The following SCN10A variants were observed in gnomAD, a reference collection of about 807,000 sequenced individuals.
SCN10A encodes sodium channel protein type 10 subunit alpha.
Under a neutral mutation model 170.7 loss-of-function variants are expected in SCN10A, and 162 were observed. The observed-to-expected ratio is 0.95, with a 90% CI of 0.84 to 1.08. SCN10A has a LOEUF of 1.08. Among genes scored for constraint, SCN10A ranks in the 50% least tolerant of loss-of-function variants. SCN10A has a pLI of 0.00. For missense variants in SCN10A, 2,527 were observed against 2,436.9 expected (o/e 1.04, Z -0.78); for synonymous variants, 985 against 904.6 (o/e 1.09, Z -1.59).
intron 13 of SCN10A, among the ~76,000 whole-genome samples, chr3:38,747,872 C>T (rs2063707789): frequency 6.6e-6 from 1 of 152,134 alleles, no homozygotes; most frequent in Non-Finnish European, 1.5e-5. Context: ...TTTCCATCTC[C>T]TTTCCTACTT....
At chr3:38,809,899 A>T (rs1455100444) in intron 1 of SCN10A, among the ~76,000 whole-genome samples, 1 of 152,232 alleles carries the variant, frequency 6.6e-6, no homozygotes, top group Non-Finnish European at 1.5e-5. Flanking sequence ...GTATTAAAGA[A>T]GGGATGGATC....
intron 1 of SCN10A, among the ~76,000 whole-genome samples, chr3:38,796,865 C>T (rs2064344199): frequency 6.6e-6 from 1 of 151,990 alleles, no homozygotes; most frequent in South Asian, 2.1e-4. Context: ...AAATTGTAAG[C>T]TCAGTGAGAG....
chr3:38,728,558 A>T lies in SCN10A; in HGVS notation c.2624T>A (p.Val875Glu). The change falls in exon 16 of 28, where the codon GTG becomes GAG. Residue 875 changes from valine (V) to glutamate (E), a missense_variant. By Grantham distance (121) the Val-to-Glu change is moderately radical. Coordinates refer to ENST00000449082, the MANE Select transcript of SCN10A (RefSeq NM_006514.4). ...ICLILFLTVM[V>E]LGNLVVLNLF... Reference sequence around the variant, plus strand: ...ACCACTCACCACCAGGTTCCCTAGCACCATCACCGTCAAGAAAAGGATGAG... The same window carrying T: ...ACCACTCACCACCAGGTTCCCTAGCTCCATCACCGTCAAGAAAAGGATGAG... 6.3e-7 allele frequency: 1 copy of T among 1,591,462 alleles called. No individual in the cohort carries two copies. Among genetic ancestry groups the T allele is most frequent in the African/African-American group, 1.3e-5 (1 of 74,722 alleles).
In SCN10A at chr3:38,697,880, G is replaced by A. The variant is rs1304534566; in HGVS notation, c.5340C>T (p.Pro1780=). The change falls in exon 28 of 28, where the codon CCC becomes CCT. Residue 1780 remains proline (P), a synonymous_variant. Transcript: ENST00000449082. ...TLSGPLRIPK[P]NRNILIQMDL... Reference sequence around the variant, plus strand: ...CCATCTGGATCAGTATATTTCGATTGGGTTTTGGGATTCTCAGGGGACCAG... The same window carrying A: ...CCATCTGGATCAGTATATTTCGATTAGGTTTTGGGATTCTCAGGGGACCAG... The A allele has an allele frequency of 1.2e-6, 2 of 1,613,976 alleles. No individual in the cohort carries two copies. Among genetic ancestry groups the A allele is most frequent in the Non-Finnish European group, 1.7e-6 (2 of 1,180,032 alleles).
chr3:38,728,797 G>T lies in SCN10A; in HGVS notation c.2385C>A (p.Ala795=). 1 of 1,614,126 alleles carries T rather than the reference G, an allele frequency of 6.2e-7. No individual in the cohort carries two copies. The highest frequency in any genetic ancestry group is 8.5e-7 in the Non-Finnish European group (1 of 1,180,032). Residue 795 remains alanine (A), a synonymous_variant, in exon 16 of 28, where the codon GCC becomes GCA. Coordinates refer to ENST00000449082, the MANE Select transcript of SCN10A (RefSeq NM_006514.4). ...GALGNLTIIL[A]IIVFVFALVG... is the part of the protein sequence containing the mutation. The stretch of plus-strand genomic sequence containing the variant: ...CCAGAGCAAAGACAAAGACAATGAT[G>T]GCCAGGATGATGGTGAGGTTCCCCA...
chr3:38,754,781 T>C lies in SCN10A; in HGVS notation c.1461+1007A>G, dbSNP rs531615941. Among the ~76,000 whole-genome samples the C allele has an allele frequency of 3.7e-4, 57 of 152,148 alleles. 1 individual carries two copies. In the East Asian group the frequency reaches 4.2e-3, roughly 11 times the overall value. On this transcript the variant is annotated intron_variant, in intron 11 of 27. Transcript: ENST00000449082. ...CACATAAATCTGAGGGTTGGAGAGA[T>C]GGTATTGCAAAAAAGTAAAATATCC...
Position 38,722,321 on chromosome 3 carries a change from G to C in SCN10A, c.3444C>G (p.Ile1148Met). The part of the protein sequence containing the change: ...GWQVRKTCYR[I>M]VEHSWFESFI... ...AGCTCTCAAACCAGCTGTGCTCCAC[G>C]ATACGGTAGCAAGTCTTGCGCACCT... The change falls in exon 20 of 28, where the codon ATC becomes ATG. Residue 1148 changes from isoleucine (I) to methionine (M), a missense_variant. Coordinates refer to ENST00000449082, the MANE Select transcript of SCN10A (RefSeq NM_006514.4). The C allele has an allele frequency of 6.2e-7, 1 of 1,614,072 alleles. No individual in the cohort carries two copies. Among genetic ancestry groups the C allele is most frequent in the Non-Finnish European group, 8.5e-7 (1 of 1,179,990 alleles).
At chr3:38,767,961 AT>A (rs2063952092) in intron 5 of SCN10A, among the ~76,000 whole-genome samples, 1 of 152,006 alleles carries the variant, frequency 6.6e-6, no homozygotes, top group Admixed American at 6.6e-5. Context: ...ATATTTTTCC[AT>A]TAGACCAATT....
At chr3:38,703,284 A>G (rs914171241) in intron 26 of SCN10A, among the ~76,000 whole-genome samples, 1 of 152,206 alleles carries the variant, frequency 6.6e-6, no homozygotes, top group African/African-American at 2.4e-5. Context: ...ATCCTAGGCA[A>G]CATTAATGTC....
At chr3:38,760,894 T>C in intron 7 of SCN10A, 147 bp from the exon 8 acceptor site, 1 of 672,192 alleles carries the variant, frequency 1.5e-6, no homozygotes, top group Non-Finnish European at 2.6e-6. Context: ...CACATGGAAG[T>C]TGTAAAGTCA....
At chr3:38,803,478 G>T (rs1389282418) in intron 1 of SCN10A, among the ~76,000 whole-genome samples, 2 of 152,020 alleles carry the variant, frequency 1.3e-5, no homozygotes, top group Non-Finnish European at 2.9e-5. Flanking sequence ...CCATAAAAAA[G>T]GATGATTTCA....
At chr3:38,702,195 C>T (rs2063163835) in intron 26 of SCN10A, 86 bp from the exon 27 acceptor site, 2 of 1,368,200 alleles carry the variant, frequency 1.5e-6, no homozygotes, top group Non-Finnish European at 2.0e-6. Context: ...GTTTTGTCTC[C>T]ATCACACTCC....
chr3:38,714,525 G>A (rs551346309), intron 21 of SCN10A, among the ~76,000 whole-genome samples: 5 of 152,312 alleles, frequency 3.3e-5, no homozygotes, highest in African/African-American at 1.2e-4. Flanking sequence ...TCAGAGAAGT[G>A]GGGTGGAAAG....
At chr3:38,738,115 A>AT (rs1258047658) in intron 15 of SCN10A, among the ~76,000 whole-genome samples, 6 of 151,276 alleles carry the variant, frequency 4.0e-5, no homozygotes, top group African/African-American at 9.7e-5. Context: ...TAATTTTTTC[A>AT]TTTTTTGTAG....
chr3:38,791,582 T>A (rs1021937666), intron 3 of SCN10A, among the ~76,000 whole-genome samples: 1 of 152,118 alleles, frequency 6.6e-6, no homozygotes, highest in African/African-American at 2.4e-5. Flanking sequence ...CTCTGGGAGG[T>A]GCTGCTCTTT....
intron 20 of SCN10A, among the ~76,000 whole-genome samples, chr3:38,721,627 T>A (rs904719782): frequency 9.2e-5 from 14 of 152,172 alleles, no homozygotes. Flanking sequence ...AAAGTGTGGG[T>A]CACTGAGGGC....
chr3:38,750,031 A>C, intron 13 of SCN10A, 42 bp downstream of exon 13: 1 of 1,124,232 alleles, frequency 8.9e-7, no homozygotes, highest in Non-Finnish European at 1.3e-6. Flanking sequence ...ATGGGAATTC[A>C]TCATGACACA....
At chr3:38,715,052 C>A (rs980989956) in intron 21 of SCN10A, among the ~76,000 whole-genome samples, 8 of 152,148 alleles carry the variant, frequency 5.3e-5, no homozygotes, top group Admixed American at 2.0e-4. Flanking sequence ...GGATGAGTGG[C>A]TTATTGCACC....
intron 4 of SCN10A, among the ~76,000 whole-genome samples, chr3:38,787,507 T>C (rs2064221988): frequency 6.6e-6 from 1 of 152,118 alleles, no homozygotes; most frequent in Admixed American, 6.6e-5. Context: ...TTCTTTGCTT[T>C]ACTATGCTGG....
Sources: allele counts gnomAD v4.1 joint callset (sites outside exome capture counted in the v4.1 genomes callset), GRCh38; gene constraint gnomAD v4.1.1; transcripts MANE v1.5; gene names NCBI Gene and HGNC (gene_info 2026-07-23, HGNC 2026-07-21).